Variants in SPARCL1 observed in about 807,000 individuals in gnomAD.
SPARCL1 encodes SPARC-like protein 1.
SPARCL1 carries 52 observed loss-of-function variants against 67.1 expected under a neutral mutation model. That is an observed-to-expected ratio of 0.78 (90% CI 0.62 to 0.98). SPARCL1 has a LOEUF of 0.98. Among genes scored for constraint, SPARCL1 ranks in the 50% least tolerant of loss-of-function variants. The pLI, the probability that SPARCL1 is intolerant of heterozygous loss-of-function variation, is 0.00. For synonymous variants in SPARCL1, 226 were observed against 267.8 expected, an observed-to-expected ratio of 0.84 and a Z score of 1.52; for missense variants, 717 against 782.4, an observed-to-expected ratio of 0.92 and a Z score of 1.00.
intron 2 of SPARCL1, among the ~76,000 whole-genome samples, chr4:87,499,007 T>C (rs1196225394): frequency 6.6e-6 from 1 of 152,090 alleles, no homozygotes; most frequent in Non-Finnish European, 1.5e-5. Flanking sequence ...CCCGAGTAGC[T>C]GGGATTACAG....
chr4:87,514,129 G>A (rs1488624469), intron 1 of SPARCL1, among the ~76,000 whole-genome samples: 2 of 152,176 alleles, frequency 1.3e-5, no homozygotes, highest in Non-Finnish European at 2.9e-5. Context: ...AGGAGGTGGA[G>A]GTTGCAGTGA....
chr4:87,495,223 A>G, intron 2 of SPARCL1, 96 bp from the exon 3 acceptor site: 1 of 990,962 alleles, frequency 1.0e-6, no homozygotes, highest in Non-Finnish European at 1.5e-6. Flanking sequence ...TAGTAGCAAT[A>G]TACTTCATTT....
intron 1 of SPARCL1, among the ~76,000 whole-genome samples, chr4:87,524,885 T>G (rs7438311): frequency 0.39 from 59,353 of 151,958 alleles, 13,319 homozygotes; most frequent in East Asian, 0.6. Flanking sequence ...ATGATCATCT[T>G]GGCATGGTGG....
chr4:87,515,305 T>C (rs1725534925), intron 1 of SPARCL1, among the ~76,000 whole-genome samples: 2 of 152,236 alleles, frequency 1.3e-5, no homozygotes, highest in Non-Finnish European at 2.9e-5. Flanking sequence ...TAATATTACA[T>C]TTTCTTATCT....
At chr4:87,487,418 G>A (rs1357623260) in intron 7 of SPARCL1, among the ~76,000 whole-genome samples, 3 of 152,048 alleles carry the variant, frequency 2.0e-5, no homozygotes, top group Non-Finnish European at 4.4e-5. Context: ...TTGAATATTG[G>A]CCCCCACTCT....
intron 1 of SPARCL1, among the ~76,000 whole-genome samples, chr4:87,522,868 C>T (rs1310908771): frequency 6.6e-6 from 1 of 152,008 alleles, no homozygotes; most frequent in Non-Finnish European, 1.5e-5. Context: ...CTCACGCCAC[C>T]AAATCCTGCC....
intron 1 of SPARCL1, among the ~76,000 whole-genome samples, chr4:87,522,451 T>C (rs1307305444): frequency 6.6e-6 from 1 of 151,716 alleles, no homozygotes; most frequent in Non-Finnish European, 1.5e-5. Context: ...GGCACATACA[T>C]TTAGTGCTCA....
chr4:87,514,601 G>A (rs1403297785), intron 1 of SPARCL1, among the ~76,000 whole-genome samples: 2 of 152,212 alleles, frequency 1.3e-5, no homozygotes, highest in African/African-American at 2.4e-5. Flanking sequence ...GGACAATCCA[G>A]TATCTAGACT....
At chr4:87,488,447 C>T (rs1463100266) in intron 7 of SPARCL1, among the ~76,000 whole-genome samples, 1 of 152,170 alleles carries the variant, frequency 6.6e-6, no homozygotes, top group Non-Finnish European at 1.5e-5. Flanking sequence ...AACATTGCTG[C>T]CTGTTCCTTC....
chr4:87,506,828 C>T (rs558178002), intron 1 of SPARCL1, among the ~76,000 whole-genome samples: 2,368 of 146,220 alleles, frequency 0.016, 58 homozygotes, highest in African/African-American at 0.056. Flanking sequence ...TATCTATCTA[C>T]CTACCTACCT....
At position 87,494,989 on chromosome 4, in the gene SPARCL1, G is replaced by A. The variant is rs746532561; in HGVS notation, c.193C>T (p.His65Tyr). 75 of 1,601,434 alleles carry A rather than the reference G, an allele frequency of 4.7e-5. No individual in the cohort carries two copies. The highest frequency in any genetic ancestry group is 1.8e-5 in the Admixed American group (1 of 56,308). The part of the protein sequence containing the change: ...ETAVSTEDDS[H>Y]HKAEKSSVLK... Reference sequence around the variant, plus strand: ...AATGATGTTACTTTTACCTTATGGTGGGAATCGTCTTCTGTGGATACTGCT... The same window carrying A: ...AATGATGTTACTTTTACCTTATGGTAGGAATCGTCTTCTGTGGATACTGCT... Residue 65 changes from histidine (H) to tyrosine (Y), a missense_variant, in exon 3 of 11, where the codon CAC (histidine) becomes TAC (tyrosine). Coordinates refer to ENST00000282470, the MANE Select transcript of SPARCL1 (RefSeq NM_004684.6).
In SPARCL1 at chr4:87,511,967, CT is replaced by C. The variant is rs3037337; in HGVS notation, c.-11-12383del. Among the ~76,000 whole-genome samples, 248 of 121,516 alleles carry C rather than the reference CT, an allele frequency of 2.0e-3. 3 individuals are homozygous for C. The highest frequency in any genetic ancestry group is 4.8e-3 in the African/African-American group (151 of 31,428). 79.7% of individuals were successfully genotyped at this position (121,516 alleles called of 152,430 possible). A position where few individuals can be genotyped will look rare whatever the true frequency, so the allele number is the denominator to read the frequency against. On this transcript the variant is annotated intron_variant, in intron 1 of 10. Transcript: ENST00000282470. ...TTCCTTTCCTTTCCTCTTTCTTTCTCTTTTTTTTTTTTTTTGAGACAGAGTC... is the reference window on the plus strand; with the variant it reads ...TTCCTTTCCTTTCCTCTTTCTTTCTCTTTTTTTTTTTTTTGAGACAGAGTC...
In SPARCL1 at chr4:87,529,372, T is replaced by C. The variant is rs1235029280; in HGVS notation, c.-339A>G. On this transcript the variant is annotated 5_prime_UTR_variant, in exon 1 of 11. Transcript: ENST00000282470. ...TCTCATGCGAGGGCTTTACAGGCAG[T>C]GCTTGCAAACCAAAAGGGAAAGAGC... is the stretch of plus-strand genomic sequence containing the variant. 1.3e-5 allele frequency: 2 copies of C among 152,212 alleles called. No individual in the cohort carries two copies. The highest frequency in any genetic ancestry group is 2.9e-5 in the Non-Finnish European group (2 of 68,060). 9.4% of individuals were successfully genotyped at this position (152,212 alleles called of 1,614,324 possible). A position where few individuals can be genotyped will look rare whatever the true frequency, so the allele number is the denominator to read the frequency against.
chr4:87,489,344 G>A (rs567844777), intron 7 of SPARCL1, among the ~76,000 whole-genome samples: 1 of 152,176 alleles, frequency 6.6e-6, no homozygotes, highest in African/African-American at 2.4e-5. Context: ...CTAGGGGAGA[G>A]AGTTTCCCGA....
intron 10 of SPARCL1, among the ~76,000 whole-genome samples, chr4:87,477,341 C>T: frequency 6.6e-6 from 1 of 152,132 alleles, no homozygotes; most frequent in East Asian, 1.9e-4. Flanking sequence ...GTGGGCAGGG[C>T]AGGACAGAAG....
At chr4:87,504,135 T>TTTTGTGTG (rs752135318) in intron 1 of SPARCL1, among the ~76,000 whole-genome samples, 1 of 30,922 alleles carries the variant, frequency 3.2e-5, no homozygotes, top group Non-Finnish European at 7.1e-5. Context: ...TGATTTGGTA[T>TTTTGTGTG]TGTGTGTGTG....
chr4:87,480,912 C>T (rs73839693), intron 8 of SPARCL1, among the ~76,000 whole-genome samples: 3,655 of 151,592 alleles, frequency 0.024, 150 homozygotes, highest in African/African-American at 0.084. Flanking sequence ...CTCCTTCCCC[C>T]GATGACAGAG....
intron 10 of SPARCL1, among the ~76,000 whole-genome samples, chr4:87,475,890 A>T (rs944750894): frequency 2.0e-5 from 3 of 152,192 alleles, no homozygotes; most frequent in African/African-American, 4.8e-5. Context: ...GTATATTTAT[A>T]AAAAAATCAT....
intron 1 of SPARCL1, among the ~76,000 whole-genome samples, chr4:87,519,729 T>C (rs1437955481): frequency 6.6e-6 from 1 of 152,196 alleles, no homozygotes; most frequent in Non-Finnish European, 1.5e-5. Context: ...ATGTGGTTAG[T>C]AATTTTATTT....
Sources: gnomAD v4.1 joint callset for allele counts (sites outside exome capture counted in the v4.1 genomes callset) on GRCh38, gnomAD v4.1.1 for gene constraint, MANE v1.5 for transcripts, NCBI Gene and HGNC (gene_info 2026-07-23, HGNC 2026-07-21) for gene names.